ZNF599: variants seen among roughly 807,000 people sequenced by gnomAD.
ZNF599 encodes the protein zinc finger protein 599.
In ZNF599, 10 loss-of-function variants were observed where a neutral mutation model predicts 11.7. The observed-to-expected ratio is 0.86, with a 90% CI of 0.53 to 1.45. ZNF599 has a LOEUF of 1.45. Ranked by LOEUF, ZNF599 falls within the 40% of genes most tolerant of loss-of-function variation. ZNF599 has a pLI of 0.00. For synonymous variants in ZNF599, 232 were observed against 253.2 expected, an observed-to-expected ratio of 0.92 and a Z score of 0.79; for missense variants, 688 against 713.6, an observed-to-expected ratio of 0.96 and a Z score of 0.41.
chr19:34,796,271 A>T, the ZNF599 span, among the ~76,000 whole-genome samples: 1 of 151,918 alleles, frequency 6.6e-6, no homozygotes, highest in African/African-American at 2.4e-5. Flanking sequence ...TGTGAAGTTT[A>T]ATAGCAGTGG....
At chr19:34,772,561 G>A (rs2069190080) in intron 1 of ZNF599, 1 of 1,344,104 alleles carries the variant, frequency 7.4e-7, no homozygotes, top group Non-Finnish European at 9.5e-7. Context: ...AGACCCGAGG[G>A]AATGGAGGCC....
the ZNF599 span, among the ~76,000 whole-genome samples, chr19:34,804,902 C>A: frequency 2.0e-5 from 3 of 152,188 alleles, no homozygotes; most frequent in African/African-American, 7.2e-5. Context: ...CAGACACCTG[C>A]ATGCTAGCTC....
At chr19:34,794,023 G>C in the ZNF599 span, among the ~76,000 whole-genome samples, 2 of 152,204 alleles carry the variant, frequency 1.3e-5, no homozygotes, top group African/African-American at 4.8e-5. Context: ...AGGGAGGCCT[G>C]ACAATCATGG....
At chr19:34,785,290 T>C in the ZNF599 span, among the ~76,000 whole-genome samples, 18 of 152,184 alleles carry the variant, frequency 1.2e-4, no homozygotes, top group African/African-American at 3.9e-4. Context: ...CATATCCATT[T>C]TGGTTTAGCG....
the ZNF599 span, among the ~76,000 whole-genome samples, chr19:34,802,983 C>T: frequency 6.6e-6 from 1 of 152,084 alleles, no homozygotes; most frequent in Non-Finnish European, 1.5e-5. Flanking sequence ...CAGAGGAGGA[C>T]ATAAATAGTG....
At chr19:34,784,830 A>T in the ZNF599 span, among the ~76,000 whole-genome samples, 4 of 151,254 alleles carry the variant, frequency 2.6e-5, no homozygotes, top group Admixed American at 1.3e-4. Context: ...TGATTTGCCG[A>T]AGCAAGATAA....
Position 34,769,451 on chromosome 19 carries a change from G to C in ZNF599, c.123C>G (p.Thr41=), listed in dbSNP as rs199672968. 11 of 1,614,170 alleles carry C rather than the reference G, an allele frequency of 6.8e-6. No homozygotes were observed. The East Asian group carries it at 2.0e-4, about 29-fold the overall frequency. The part of the protein sequence containing the change: ...RTLYQEVMLE[T]CRLLVSLGHP... ...TACCCAGTGAGACCAGGAGCCTGCA[G>C]GTCTCCAGCATCACCTCCTGGTACA... is the stretch of plus-strand genomic sequence containing the variant. Residue 41 remains threonine (T), a synonymous_variant, in exon 2 of 4, where the codon ACC becomes ACG. Coordinates refer to ENST00000329285, the MANE Select transcript of ZNF599 (RefSeq NM_001007248.3).
intron 1 of ZNF599, among the ~76,000 whole-genome samples, chr19:34,770,201 G>GTCA (rs1307999940): frequency 5.9e-5 from 9 of 152,220 alleles, no homozygotes; most frequent in African/African-American, 1.9e-4. Flanking sequence ...TGATGTAAAT[G>GTCA]TCATCATCTC....
intron 1 of ZNF599, among the ~76,000 whole-genome samples, chr19:34,770,267 T>TAA (rs1209535107): frequency 6.6e-6 from 1 of 152,242 alleles, no homozygotes; most frequent in Non-Finnish European, 1.5e-5. Flanking sequence ...GTTGTATGTC[T>TAA]AATGAGCAGA....
the ZNF599 span, among the ~76,000 whole-genome samples, chr19:34,784,300 A>G: frequency 1.3e-5 from 2 of 151,956 alleles, no homozygotes; most frequent in Non-Finnish European, 2.9e-5. Context: ...CAGGGTCCAC[A>G]TTTCCCCTTT....
intron 1 of ZNF599, chr19:34,772,221 T>C: frequency 1.5e-6 from 1 of 651,484 alleles, no homozygotes; most frequent in Middle Eastern, 7.8e-4. Context: ...ACGGATTCAC[T>C]GCTGTTAGGC....
upstream of ZNF599, among the ~76,000 whole-genome samples, chr19:34,775,954 G>T (rs549552913): frequency 3.3e-5 from 5 of 152,298 alleles, no homozygotes; most frequent in East Asian, 9.6e-4. Context: ...AAGGAAATGA[G>T]TAGTTGCTAA....
rs147712651 is a variant in ZNF599, at chr19:34,767,410, C to T, written c.147G>A (p.Gly49=). The T allele has an allele frequency of 9.3e-6, 15 of 1,612,866 alleles. No homozygotes were observed. The East Asian group carries it at 2.2e-4, about 24-fold the overall frequency. Residue 49 remains glycine, a splice_region_variant and synonymous_variant, in exon 3 of 4, where the codon GGG becomes GGA. Coordinates refer to ENST00000329285, the MANE Select transcript of ZNF599 (RefSeq NM_001007248.3). ...LETCRLLVSL[G]HPVPKPELIY... Reference sequence around the variant, plus strand: ...TCAGCTCTGGTTTGGGAACAGGATGCCCTGTGCATGGAGAAACAAATGGAG... The same window carrying T: ...TCAGCTCTGGTTTGGGAACAGGATGTCCTGTGCATGGAGAAACAAATGGAG...
At position 34,761,012 on chromosome 19, in the gene ZNF599, G is replaced by C. The variant is rs1018579685; in HGVS notation, c.242-453C>G. On this transcript the variant is annotated intron_variant, in intron 3 of 3. Transcript: ENST00000329285. ...ACGTGGGCTTTCTTTAAAAAGGAGAGTAGGAGTTCCCAGACAGAGGAATTA... is the reference window on the plus strand; with the variant it reads ...ACGTGGGCTTTCTTTAAAAAGGAGACTAGGAGTTCCCAGACAGAGGAATTA... Among the ~76,000 whole-genome samples, 6 of 152,142 alleles carry C rather than the reference G, an allele frequency of 3.9e-5. 1 individual carries two copies. The highest frequency in any genetic ancestry group is 2.0e-4 in the Admixed American group (3 of 15,264).
At chr19:34,773,957 T>C (rs1400429414), upstream of ZNF599, among the ~76,000 whole-genome samples, 1 of 152,230 alleles carries the variant, frequency 6.6e-6, no homozygotes. Flanking sequence ...TCTGAGATAC[T>C]TCTTTGCAGA....
At chr19:34,772,243 T>C (rs2069187645) in intron 1 of ZNF599, 2 of 872,622 alleles carry the variant, frequency 2.3e-6, no homozygotes, top group African/African-American at 3.6e-5. Flanking sequence ...GCAAGCCAGA[T>C]TCATTTGTAA....
At chr19:34,807,472 T>A in the ZNF599 span, among the ~76,000 whole-genome samples, 1 of 152,202 alleles carries the variant, frequency 6.6e-6, no homozygotes, top group African/African-American at 2.4e-5. Context: ...CAGTCTTACC[T>A]CTGTGCAGTA....
In ZNF599 at chr19:34,758,508, T is replaced by TA. The variant is rs2069085742; in HGVS notation, c.*525dup. 1 of 152,444 alleles carries TA rather than the reference T, an allele frequency of 6.6e-6. No individual in the cohort carries two copies. Among genetic ancestry groups the TA allele is most frequent in the Non-Finnish European group, 1.5e-5 (1 of 68,254 alleles). The allele number at this position is 152,444 out of a possible 1,614,324, so 9.4% of individuals were successfully genotyped here. ...GGTCCAACTCTCCTGGCTCTGGACT[T>TA]AGAGATATATATATGTAAAACACAC... On this transcript the variant is annotated 3_prime_UTR_variant, in exon 4 of 4. Transcript: ENST00000329285.
the ZNF599 span, among the ~76,000 whole-genome samples, chr19:34,785,396 G>A: frequency 6.6e-6 from 1 of 152,092 alleles, no homozygotes; most frequent in African/African-American, 2.4e-5. Context: ...TGCAGCCAGA[G>A]GGACCCTGTT....
Sources: allele counts gnomAD v4.1 joint callset (sites outside exome capture counted in the v4.1 genomes callset), GRCh38; gene constraint gnomAD v4.1.1; transcripts MANE v1.5; gene names NCBI Gene and HGNC (gene_info 2026-07-23, HGNC 2026-07-21).